IQGAP1: variants seen among roughly 807,000 people sequenced by gnomAD.
The protein encoded by IQGAP1 is ras GTPase-activating-like protein IQGAP1.
In IQGAP1, 66 loss-of-function variants were observed where a neutral mutation model predicts 215.6. That is an observed-to-expected ratio of 0.31 (90% CI 0.25 to 0.38). The LOEUF is 0.38. Among genes scored for constraint, IQGAP1 ranks in the 10% least tolerant of loss-of-function variants. IQGAP1 has a pLI of 1.00. For synonymous variants in IQGAP1, 772 were observed against 728.7 expected (o/e 1.06, Z -0.96); for missense variants, 1,712 against 1,997.1 (o/e 0.86, Z 2.72).
chr15:90,411,191 C>T (rs941150647), intron 2 of IQGAP1, among the ~76,000 whole-genome samples: 1 of 152,204 alleles, frequency 6.6e-6, no homozygotes, highest in African/African-American at 2.4e-5. Flanking sequence ...GTTCCTCTCT[C>T]ATGTATCTTT....
intron 5 of IQGAP1, among the ~76,000 whole-genome samples, chr15:90,437,165 A>G (rs1053241532): frequency 2.6e-5 from 4 of 152,246 alleles, no homozygotes; most frequent in Admixed American, 1.3e-4. Flanking sequence ...AACAAGAGGA[A>G]GAGAGAGGTG....
intron 5 of IQGAP1, among the ~76,000 whole-genome samples, chr15:90,437,225 C>T (rs8041228): frequency 0.012 from 1,893 of 152,308 alleles, 27 homozygotes; most frequent in African/African-American, 0.044. Context: ...ATAACTCACT[C>T]ACTGTTAGGA....
intron 9 of IQGAP1, among the ~76,000 whole-genome samples, chr15:90,447,952 C>T (rs1449020324): frequency 6.6e-6 from 1 of 152,022 alleles, no homozygotes; most frequent in Non-Finnish European, 1.5e-5. Flanking sequence ...GGTTGGACCA[C>T]CCTTGATAGC....
chr15:90,491,641 A>G (rs772473992), intron 34 of IQGAP1, 96 bp downstream of exon 34: 10 of 974,656 alleles, frequency 1.0e-5, no homozygotes, highest in South Asian at 3.0e-5. Flanking sequence ...GCTTCAGTTC[A>G]TGGGCAAATT....
chr15:90,487,985 G>C (rs1966151477), intron 33 of IQGAP1, among the ~76,000 whole-genome samples: 1 of 152,172 alleles, frequency 6.6e-6, no homozygotes, highest in Admixed American at 6.5e-5. Context: ...CACTTTGGGA[G>C]GCTGAGGTGG....
chr15:90,480,694 A>T (rs994429894), intron 26 of IQGAP1, among the ~76,000 whole-genome samples: 1 of 152,048 alleles, frequency 6.6e-6, no homozygotes, highest in Admixed American at 6.6e-5. Flanking sequence ...GTTGAGACAG[A>T]GTCTCGTTCT....
chr15:90,413,634 A>T (rs990134730), intron 2 of IQGAP1, among the ~76,000 whole-genome samples: 6 of 152,172 alleles, frequency 3.9e-5, no homozygotes, highest in Non-Finnish European at 8.8e-5. Flanking sequence ...TTAGGTTGAA[A>T]AGAGAGCTGG....
Position 90,477,214 on chromosome 15 carries a change from C to G in IQGAP1, c.3088C>G (p.Leu1030Val). The change falls in exon 25 of 38, where the codon CTC (leucine) becomes GTC (valine). Residue 1030 changes from leucine (L) to valine (V), a missense_variant. Physicochemically the swap from Leu to Val is conservative, Grantham distance 32. Coordinates refer to ENST00000268182, the MANE Select transcript of IQGAP1 (RefSeq NM_003870.4). ...GCTCCTGCGGCTCTTTAAGACAGCA[C>G]TCCAAGAGGAAATCAAGTATGAACA... is the stretch of plus-strand genomic sequence containing the variant. ...YLLLRLFKTA[L>V]QEEIKSKVDQ... The G allele has an allele frequency of 6.2e-7, 1 of 1,614,052 alleles. No individual in the cohort carries two copies. Among genetic ancestry groups the G allele is most frequent in the Non-Finnish European group, 8.5e-7 (1 of 1,179,984 alleles).
intron 37 of IQGAP1, among the ~76,000 whole-genome samples, chr15:90,498,507 G>A (rs1226835038): frequency 6.6e-6 from 1 of 152,160 alleles, no homozygotes; most frequent in African/African-American, 2.4e-5. Context: ...CAGTCTGCCT[G>A]TGGTAATTTA....
At chr15:90,477,006 G>C in intron 24 of IQGAP1, 61 bp from the exon 25 acceptor site, 1 of 1,497,530 alleles carries the variant, frequency 6.7e-7, no homozygotes, top group Non-Finnish European at 9.2e-7. Context: ...TTAAATAATT[G>C]AATATATCTT....
At chr15:90,469,065 A>G (rs1596282075) in intron 18 of IQGAP1, among the ~76,000 whole-genome samples, 2 of 152,206 alleles carry the variant, frequency 1.3e-5, no homozygotes, top group Non-Finnish European at 2.9e-5. Context: ...AGTTTGCAGT[A>G]CTTTCTCAAA....
chr15:90,482,148 T>G, intron 27 of IQGAP1, 48 bp downstream of exon 27: 1 of 1,614,014 alleles, frequency 6.2e-7, no homozygotes, highest in African/African-American at 1.3e-5. Context: ...CAGCACTAAG[T>G]GCCTTTCTGC....
intron 26 of IQGAP1, 92 bp from the exon 27 acceptor site, chr15:90,481,868 G>A: frequency 7.6e-7 from 1 of 1,316,370 alleles, no homozygotes; most frequent in South Asian, 1.3e-5. Flanking sequence ...TAATATTTCT[G>A]GGTCTTATAG....
At chr15:90,427,310 A>G (rs1176524950) in intron 3 of IQGAP1, among the ~76,000 whole-genome samples, 1 of 152,186 alleles carries the variant, frequency 6.6e-6, no homozygotes, top group Admixed American at 6.5e-5. Flanking sequence ...AACTTCATGA[A>G]AAAACATCAC....
intron 30 of IQGAP1, among the ~76,000 whole-genome samples, 156 bp downstream of exon 30, chr15:90,484,508 G>A (rs1469315994): frequency 6.6e-6 from 1 of 151,652 alleles, no homozygotes; most frequent in Non-Finnish European, 1.5e-5. Context: ...ATTCTTTTTT[G>A]TTTATTTATT....
At chr15:90,490,396 G>A (rs1175112051) in intron 33 of IQGAP1, among the ~76,000 whole-genome samples, 1 of 152,082 alleles carries the variant, frequency 6.6e-6, no homozygotes, top group Non-Finnish European at 1.5e-5. Flanking sequence ...AGAAAGTGCT[G>A]AAAGAACGAA....
intron 10 of IQGAP1, 133 bp downstream of exon 10, chr15:90,448,869 TA>T (rs886147324): frequency 5.2e-4 from 407 of 788,442 alleles, no homozygotes; most frequent in South Asian, 7.5e-4. Context: ...TAAATTAGTT[TA>T]AAAAAAAATC....
chr15:90,397,220 G>C (rs1381835900), intron 2 of IQGAP1, among the ~76,000 whole-genome samples: 2 of 152,188 alleles, frequency 1.3e-5, no homozygotes, highest in African/African-American at 4.8e-5. Flanking sequence ...ATTAAGAAAA[G>C]TCATGTGGCT....
intron 2 of IQGAP1, among the ~76,000 whole-genome samples, chr15:90,404,592 C>T (rs1462248753): frequency 6.6e-6 from 1 of 151,854 alleles, no homozygotes; most frequent in Non-Finnish European, 1.5e-5. Flanking sequence ...ATATTCATTC[C>T]ACTTTGTCCT....
Sources: gnomAD v4.1 joint callset for allele counts (sites outside exome capture counted in the v4.1 genomes callset) on GRCh38, gnomAD v4.1.1 for gene constraint, MANE v1.5 for transcripts, NCBI Gene and HGNC (gene_info 2026-07-23, HGNC 2026-07-21) for gene names.